The following CCDC192 variants were observed in gnomAD, a reference collection of about 807,000 sequenced individuals.
CCDC192 encodes the protein coiled-coil domain containing 192, also known as coiled-coil domain-containing protein 192.
intron 3 of CCDC192, chr5:127,786,008 C>A (rs1580655810): frequency 3.4e-6 from 2 of 586,168 alleles, no homozygotes; most frequent in South Asian, 1.9e-5. Flanking sequence ...GCTAAAAGAC[C>A]CTGATTATGA....
At chr5:127,895,218 G>C (rs934585800) in intron 6 of CCDC192, among the ~76,000 whole-genome samples, 4 of 152,090 alleles carry the variant, frequency 2.6e-5, no homozygotes, top group Non-Finnish European at 5.9e-5. Flanking sequence ...CTGAACAGTG[G>C]CCACCCCTTA....
intron 1 of CCDC192, among the ~76,000 whole-genome samples, chr5:127,704,639 A>T (rs1444710233): frequency 6.6e-6 from 1 of 152,168 alleles, no homozygotes; most frequent in African/African-American, 2.4e-5. Context: ...TGTGCAAAGG[A>T]TTCCATAAGC....
chr5:127,780,140 T>C (rs1756115621), intron 3 of CCDC192, among the ~76,000 whole-genome samples: 1 of 151,942 alleles, frequency 6.6e-6, no homozygotes, highest in African/African-American at 2.4e-5. Context: ...CACATATATA[T>C]ACACACACAC....
chr5:127,861,991 G>A (rs1751390926), intron 5 of CCDC192, among the ~76,000 whole-genome samples: 1 of 152,294 alleles, frequency 6.6e-6, no homozygotes, highest in South Asian at 2.1e-4. Context: ...AGTTTTAAGG[G>A]AGTTGTGAGT....
intron 6 of CCDC192, among the ~76,000 whole-genome samples, chr5:127,898,981 G>T (rs1752968859): frequency 6.6e-6 from 1 of 152,150 alleles, no homozygotes; most frequent in East Asian, 1.9e-4. Flanking sequence ...CTCCAGGGCA[G>T]TGGTTACAGC....
intron 5 of CCDC192, among the ~76,000 whole-genome samples, chr5:127,865,048 G>A (rs1328099846): frequency 6.6e-6 from 1 of 152,182 alleles, no homozygotes; most frequent in Non-Finnish European, 1.5e-5. Context: ...TTGGGAGGCT[G>A]AGGCAGGAGA....
intron 2 of CCDC192, among the ~76,000 whole-genome samples, chr5:127,727,553 C>A (rs1752402982): frequency 6.6e-6 from 1 of 151,954 alleles, no homozygotes; most frequent in South Asian, 2.1e-4. Flanking sequence ...CCCACAAAAA[C>A]CCCATCCAAA....
At chr5:127,719,582 C>A (rs1400570186) in intron 2 of CCDC192, among the ~76,000 whole-genome samples, 2 of 121,866 alleles carry the variant, frequency 1.6e-5, no homozygotes, top group Admixed American at 8.9e-5. Context: ...TATATATATA[C>A]CAAGCAGTGG....
Position 127,884,653 on chromosome 5 carries a change from G to T in CCDC192, c.535+8992G>T, listed in dbSNP as rs111895534. ...TTATCCTGGACCACACCTGAGTCATGTGCCAGATGTGAAGGGCTAGGGAGT... is the reference window on the plus strand; with the variant it reads ...TTATCCTGGACCACACCTGAGTCATTTGCCAGATGTGAAGGGCTAGGGAGT... On this transcript the variant is annotated intron_variant, in intron 6 of 6. Coordinates refer to ENST00000514853, the MANE Select transcript of CCDC192 (RefSeq NM_001317938.2). Among the ~76,000 whole-genome samples the T allele has an allele frequency of 3.3e-4, 51 of 152,270 alleles. 1 individual carries two copies. The highest frequency in any genetic ancestry group is 1.2e-3 in the African/African-American group (48 of 41,568).
At chr5:127,832,923 C>T (rs2127046365) in intron 5 of CCDC192, among the ~76,000 whole-genome samples, 1 of 152,246 alleles carries the variant, frequency 6.6e-6, no homozygotes, top group East Asian at 1.9e-4. Context: ...GCCAGAATAG[C>T]TAACCTTTTC....
intron 5 of CCDC192, among the ~76,000 whole-genome samples, chr5:127,867,097 A>C (rs972902991): frequency 2.6e-5 from 4 of 152,212 alleles, no homozygotes; most frequent in African/African-American, 9.6e-5. Flanking sequence ...GGAGAAGAAT[A>C]TTCATTGGGA....
At chr5:127,933,920 T>A (rs574045264) in intron 6 of CCDC192, among the ~76,000 whole-genome samples, 1 of 152,206 alleles carries the variant, frequency 6.6e-6, no homozygotes, top group Admixed American at 6.5e-5. Flanking sequence ...ACTTTGATCG[T>A]CAACTTCCCA....
At chr5:127,890,744 A>G (rs1752708145) in intron 6 of CCDC192, among the ~76,000 whole-genome samples, 1 of 152,188 alleles carries the variant, frequency 6.6e-6, no homozygotes, top group African/African-American at 2.4e-5. Context: ...AGGGCCCTCT[A>G]TGAACTGGCC....
At chr5:127,812,174 C>T (rs1758118994) in intron 5 of CCDC192, among the ~76,000 whole-genome samples, 2 of 152,272 alleles carry the variant, frequency 1.3e-5, no homozygotes, top group South Asian at 4.1e-4. Context: ...ACCTACAACA[C>T]AATCAATTTT....
At chr5:127,800,397 A>C (rs1182278563) in intron 5 of CCDC192, among the ~76,000 whole-genome samples, 3 of 137,990 alleles carry the variant, frequency 2.2e-5, no homozygotes, top group Non-Finnish European at 4.8e-5. Context: ...AAAAAAAAAA[A>C]AAAACAACAA....
intron 2 of CCDC192, among the ~76,000 whole-genome samples, chr5:127,743,641 G>T (rs1271018497): frequency 1.3e-5 from 2 of 152,140 alleles, no homozygotes; most frequent in East Asian, 3.8e-4. Flanking sequence ...ACAACTAGTT[G>T]TAGTTTGTTC....
rs114474230 is a variant in CCDC192, at chr5:127,920,002, T to G, written c.536-21180T>G. The stretch of plus-strand genomic sequence containing the variant: ...ATTATACTTCCTCTCTGGTTATTCT[T>G]GGATCTGACAGACTTATGTCTATAC... On this transcript the variant is annotated intron_variant, in intron 6 of 6. Transcript: ENST00000514853. Among the ~76,000 whole-genome samples, 409 of 152,354 alleles carry G rather than the reference T, an allele frequency of 2.7e-3. 4 individuals are homozygous for G. The highest frequency in any genetic ancestry group is 9.5e-3 in the African/African-American group (395 of 41,576).
At chr5:127,715,200 A>G (rs1751561536) in intron 2 of CCDC192, among the ~76,000 whole-genome samples, 1 of 152,184 alleles carries the variant, frequency 6.6e-6, no homozygotes, top group African/African-American at 2.4e-5. Context: ...ATCCTCACCC[A>G]TACCAATCTC....
At chr5:127,897,148 G>A (rs1440751782) in intron 6 of CCDC192, among the ~76,000 whole-genome samples, 1 of 151,158 alleles carries the variant, frequency 6.6e-6, no homozygotes, top group East Asian at 1.9e-4. Flanking sequence ...TAGCTACACA[G>A]TAGTCTCCTC....
Sources: gnomAD v4.1 joint callset for allele counts (sites outside exome capture counted in the v4.1 genomes callset) on GRCh38, gnomAD v4.1.1 for gene constraint, MANE v1.5 for transcripts, NCBI Gene and HGNC (gene_info 2026-07-23, HGNC 2026-07-21) for gene names.